The following DOCK1 variants were observed in gnomAD, a reference collection of about 807,000 sequenced individuals.
DOCK1 encodes the protein dedicator of cytokinesis 1.
A neutral mutation model predicts 262.7 loss-of-function variants in DOCK1; 138 were observed. The ratio of observed to expected loss-of-function variants is 0.53; its 90% confidence interval spans 0.46 to 0.61. The LOEUF (loss-of-function observed/expected upper bound fraction) is 0.61, where lower values mean the gene tolerates loss of function less well. Among genes scored for constraint, DOCK1 ranks in the 20% least tolerant of loss-of-function variants. DOCK1 has a pLI of 0.00. For missense variants in DOCK1, 1,908 were observed against 2,370.7 expected (o/e 0.80, Z 4.05); for synonymous variants, 866 against 867.4 (o/e 1.00, Z 0.03).
At chr10:127,424,249 G>C (rs566452015) in intron 46 of DOCK1, among the ~76,000 whole-genome samples, 118 of 152,274 alleles carry the variant, frequency 7.7e-4, no homozygotes, top group African/African-American at 2.7e-3. Flanking sequence ...TGAGAGTGGT[G>C]AATTCTCACA....
intron 6 of DOCK1, among the ~76,000 whole-genome samples, chr10:126,994,641 C>G (rs945050175): frequency 6.6e-6 from 1 of 152,228 alleles, no homozygotes; most frequent in African/African-American, 2.4e-5. Flanking sequence ...TTGGGGGTAA[C>G]GTCATAGATT....
chr10:127,297,580 T>C (rs1439508496), intron 29 of DOCK1, among the ~76,000 whole-genome samples: 1 of 152,146 alleles, frequency 6.6e-6, no homozygotes, highest in African/African-American at 2.4e-5. Context: ...TTTCATCACG[T>C]TTTCATAATT....
At chr10:126,919,079 G>A (rs561189351) in intron 1 of DOCK1, among the ~76,000 whole-genome samples, 3 of 152,252 alleles carry the variant, frequency 2.0e-5, no homozygotes, top group South Asian at 4.2e-4. Context: ...ACAAACATGA[G>A]TTTCTCTTGA....
intron 2 of DOCK1, among the ~76,000 whole-genome samples, chr10:126,971,942 GT>G (rs1297220675): frequency 6.6e-6 from 1 of 151,810 alleles, no homozygotes; most frequent in Non-Finnish European, 1.5e-5. Context: ...TTGAGACGGA[GT>G]TTTGCTCTTG....
At chr10:127,181,266 G>A (rs1053993218) in intron 27 of DOCK1, among the ~76,000 whole-genome samples, 3 of 152,218 alleles carry the variant, frequency 2.0e-5, no homozygotes, top group Non-Finnish European at 2.9e-5. Flanking sequence ...TTGAGCAAAC[G>A]TACTGTAAGG....
At chr10:127,310,660 T>C (rs2135494420) in intron 29 of DOCK1, among the ~76,000 whole-genome samples, 1 of 152,240 alleles carries the variant, frequency 6.6e-6, no homozygotes, top group Middle Eastern at 3.4e-3. Context: ...AAAGAATGAT[T>C]TCTCATATTG....
At chr10:127,196,681 G>C (rs1243624927) in intron 27 of DOCK1, among the ~76,000 whole-genome samples, 1 of 149,628 alleles carries the variant, frequency 6.7e-6, no homozygotes, top group Non-Finnish European at 1.5e-5. Context: ...GGAGGGAGTG[G>C]AGGAGCCCCC....
At chr10:127,071,472 A>T (rs745961701) in intron 23 of DOCK1, among the ~76,000 whole-genome samples, 2 of 152,194 alleles carry the variant, frequency 1.3e-5, no homozygotes, top group Non-Finnish European at 2.9e-5. Context: ...AATGAAAATC[A>T]TCTCTCTTCC....
intron 23 of DOCK1, among the ~76,000 whole-genome samples, chr10:127,074,081 T>C (rs542810576): frequency 1.3e-5 from 2 of 152,358 alleles, no homozygotes; most frequent in South Asian, 4.1e-4. Flanking sequence ...GAATATTTCA[T>C]ATGTGAGCTT....
At chr10:127,089,475 C>A (rs1390086068) in intron 23 of DOCK1, among the ~76,000 whole-genome samples, 2 of 152,176 alleles carry the variant, frequency 1.3e-5, no homozygotes, top group African/African-American at 4.8e-5. Flanking sequence ...TCACTCCAGC[C>A]TCAATCTCCA....
rs2037243811 is a variant in DOCK1, at chr10:126,961,793, G to A, written c.47-8909G>A. The stretch of plus-strand genomic sequence containing the variant: ...CCACTTTTTGGCTGTTGTGAATAAT[G>A]CTGCTGTGAACATGGATGTGCAAAT... On this transcript the variant is annotated intron_variant, in intron 1 of 51. Transcript: ENST00000623213. 2.6e-5 allele frequency among the ~76,000 whole-genome samples: 4 copies of A among 152,296 alleles called. No individual in the cohort carries two copies. In the South Asian group the frequency reaches 8.3e-4, roughly 32 times the overall value.
At chr10:127,248,788 A>G (rs950870712) in intron 28 of DOCK1, among the ~76,000 whole-genome samples, 1 of 152,164 alleles carries the variant, frequency 6.6e-6, no homozygotes, top group Non-Finnish European at 1.5e-5. Context: ...GTCCTGTAGA[A>G]CAGGGTCCCC....
chr10:126,964,465 G>T (rs905253549), intron 1 of DOCK1, among the ~76,000 whole-genome samples: 18 of 152,362 alleles, frequency 1.2e-4, no homozygotes, highest in African/African-American at 4.3e-4. Flanking sequence ...CAGACAGGGA[G>T]GGCCCTGGCA....
At chr10:126,931,800 C>A (rs948751271) in intron 1 of DOCK1, among the ~76,000 whole-genome samples, 2 of 152,148 alleles carry the variant, frequency 1.3e-5, no homozygotes, top group South Asian at 4.1e-4. Context: ...TGCGTGGCCC[C>A]TGCTCTCCCT....
Position 127,433,321 on chromosome 10 carries a change from G to A in DOCK1, c.4953G>A (p.Arg1651=), listed in dbSNP as rs2069431720. ...ATGATAGAAGAGGCAGCCGCCCCCG[G>A]TCCATGGTGCGGTCCTTCACGATGC... The part of the protein sequence containing the change: ...SLDDRRGSRP[R]SMVRSFTMPS... Residue 1651 remains arginine, a synonymous_variant, in exon 48 of 52, where the codon CGG becomes CGA. Coordinates refer to ENST00000623213, the MANE Select transcript of DOCK1 (RefSeq NM_001290223.2). 2 of 1,613,826 alleles carry A rather than the reference G, an allele frequency of 1.2e-6. No individual in the cohort carries two copies. Among genetic ancestry groups the A allele is most frequent in the African/African-American group, 2.7e-5 (2 of 74,906 alleles).
intron 10 of DOCK1, among the ~76,000 whole-genome samples, chr10:127,008,129 A>T (rs998066885): frequency 2.0e-5 from 3 of 151,858 alleles, no homozygotes; most frequent in Non-Finnish European, 4.4e-5. Context: ...GCAGGGTCTC[A>T]CTCTGTCACT....
chr10:127,036,600 TG>T (rs2043633501), intron 18 of DOCK1, among the ~76,000 whole-genome samples: 1 of 152,180 alleles, frequency 6.6e-6, no homozygotes, highest in Non-Finnish European at 1.5e-5. Context: ...AGTAATGGGA[TG>T]TTAATATAAC....
At chr10:127,113,979 C>T (rs372228554) in intron 25 of DOCK1, among the ~76,000 whole-genome samples, 44 of 152,172 alleles carry the variant, frequency 2.9e-4, no homozygotes, top group Non-Finnish European at 5.6e-4. Flanking sequence ...TCTGGGCATC[C>T]GTGGTGCAGT....
intron 27 of DOCK1, among the ~76,000 whole-genome samples, chr10:127,161,747 C>T (rs2053610394): frequency 6.6e-6 from 1 of 152,196 alleles, no homozygotes; most frequent in Non-Finnish European, 1.5e-5. Flanking sequence ...TCTGCCAGAA[C>T]ACCTGTCTTG....
Sources: allele counts gnomAD v4.1 joint callset (sites outside exome capture counted in the v4.1 genomes callset), GRCh38; gene constraint gnomAD v4.1.1; transcripts MANE v1.5; gene names NCBI Gene and HGNC (gene_info 2026-07-23, HGNC 2026-07-21).